The following MYO3B variants were observed in gnomAD, a reference collection of about 807,000 sequenced individuals.
MYO3B encodes myosin-IIIb.
Under a neutral mutation model 174.6 loss-of-function variants are expected in MYO3B, and 156 were observed. The ratio of observed to expected loss-of-function variants is 0.89; its 90% CI spans 0.78 to 1.02. The LOEUF is 1.02. MYO3B is among the 50% of genes least tolerant of loss of function. The probability of loss-of-function intolerance (pLI) is 0.00; values close to 1 mark genes in which losing one functional copy is unlikely to be tolerated. For missense variants in MYO3B, 1,632 were observed against 1,639.4 expected (o/e 1.00, Z 0.08); for synonymous variants, 563 against 569.1 (o/e 0.99, Z 0.15).
chr2:170,604,910 G>A (rs1055522015), intron 32 of MYO3B, among the ~76,000 whole-genome samples: 6 of 152,100 alleles, frequency 3.9e-5, no homozygotes, highest in African/African-American at 1.4e-4. Context: ...TCACTTCCAG[G>A]ATTTTTCACA....
chr2:170,506,372 A>C (rs1210876709), intron 28 of MYO3B, among the ~76,000 whole-genome samples: 1 of 152,210 alleles, frequency 6.6e-6, no homozygotes, highest in Non-Finnish European at 1.5e-5. Flanking sequence ...TTCCTTTAGC[A>C]TCATCAGTGG....
intron 7 of MYO3B, among the ~76,000 whole-genome samples, chr2:170,307,242 CAAAAAAAAAA>C (rs10718469): frequency 1.7e-5 from 1 of 57,682 alleles, no homozygotes; most frequent in East Asian, 8.2e-4. Flanking sequence ...GGCCTTATCT[CAAAAAAAAAA>C]AAAAAAAAAA....
intron 3 of MYO3B, among the ~76,000 whole-genome samples, chr2:170,211,885 C>T (rs1010909340): frequency 6.6e-6 from 1 of 151,178 alleles, no homozygotes; most frequent in African/African-American, 2.4e-5. Flanking sequence ...ATAATTAAAA[C>T]TTTACAGAAA....
At chr2:170,331,668 CT>C (rs1251988055) in intron 7 of MYO3B, among the ~76,000 whole-genome samples, 1 of 152,128 alleles carries the variant, frequency 6.6e-6, no homozygotes, top group Non-Finnish European at 1.5e-5. Flanking sequence ...GGCTGTACTC[CT>C]TTCTTAAGGC....
At chr2:170,474,691 C>T (rs1434198766) in intron 25 of MYO3B, among the ~76,000 whole-genome samples, 6 of 129,734 alleles carry the variant, frequency 4.6e-5, no homozygotes, top group Non-Finnish European at 7.7e-5. Context: ...TGCGGTGAGC[C>T]GAGATCACCC....
At chr2:170,181,692 G>A (rs903850203) in intron 1 of MYO3B, among the ~76,000 whole-genome samples, 1 of 152,028 alleles carries the variant, frequency 6.6e-6, no homozygotes, top group African/African-American at 2.4e-5. Context: ...TGCATCGATC[G>A]AGATGATGGT....
At chr2:170,639,041 C>T (rs1697753262) in intron 32 of MYO3B, among the ~76,000 whole-genome samples, 1 of 152,148 alleles carries the variant, frequency 6.6e-6, no homozygotes, top group Admixed American at 6.6e-5. Context: ...CCCAGGGTCC[C>T]CTGCTGCAGG....
At chr2:170,232,137 T>G (rs528773059) in intron 6 of MYO3B, among the ~76,000 whole-genome samples, 38 of 152,316 alleles carry the variant, frequency 2.5e-4, no homozygotes, top group African/African-American at 8.9e-4. Context: ...GAGAGTTCTT[T>G]TTGAGGTCAC....
At chr2:170,544,351 G>C (rs1222326502) in intron 32 of MYO3B, among the ~76,000 whole-genome samples, 1 of 152,240 alleles carries the variant, frequency 6.6e-6, no homozygotes, top group Admixed American at 6.5e-5. Flanking sequence ...GATTTAGAAA[G>C]TAGTTCTGCC....
At chr2:170,498,774 T>A in intron 26 of MYO3B, 71 bp downstream of exon 26, 32 of 944,476 alleles carry the variant, frequency 3.4e-5, no homozygotes, top group Non-Finnish European at 4.8e-5. Context: ...GTCACTGGCA[T>A]GAATGGCTCT....
At chr2:170,516,836 G>T (rs1688344329) in intron 29 of MYO3B, among the ~76,000 whole-genome samples, 1 of 152,014 alleles carries the variant, frequency 6.6e-6, no homozygotes, top group Admixed American at 6.5e-5. Flanking sequence ...CCCAAGTTCG[G>T]CATTTTATGA....
chr2:170,187,174 A>T (rs2092476309), intron 1 of MYO3B, among the ~76,000 whole-genome samples: 1 of 150,770 alleles, frequency 6.6e-6, no homozygotes, highest in Non-Finnish European at 1.5e-5. Flanking sequence ...TCTGATCTTT[A>T]TTATTTCTTT....
chr2:170,619,202 G>A (rs896657844), intron 32 of MYO3B, among the ~76,000 whole-genome samples: 26 of 152,132 alleles, frequency 1.7e-4, no homozygotes, highest in East Asian at 5.8e-4. Flanking sequence ...CACAAGGGTC[G>A]CATTCCATTC....
At chr2:170,230,997 A>C (rs1468147182) in intron 6 of MYO3B, among the ~76,000 whole-genome samples, 1 of 152,180 alleles carries the variant, frequency 6.6e-6, no homozygotes, top group Non-Finnish European at 1.5e-5. Context: ...TCTCTTCGTG[A>C]CCCAAGAGCT....
intron 22 of MYO3B, among the ~76,000 whole-genome samples, chr2:170,424,848 C>A (rs1441654223): frequency 6.6e-6 from 1 of 152,128 alleles, no homozygotes; most frequent in Non-Finnish European, 1.5e-5. Flanking sequence ...GAAAACATAG[C>A]AGCTTTGATT....
rs746831701 is a variant in MYO3B, at chr2:170,335,443, A to T, written c.808A>T (p.Ile270Phe). 1 of 1,611,430 alleles carries T rather than the reference A, an allele frequency of 6.2e-7. No homozygotes were observed. Among genetic ancestry groups the T allele is most frequent in the Non-Finnish European group, 8.5e-7 (1 of 1,178,518 alleles). Reference protein sequence around the residue: ...EKWCEEFNHFISQCLIKDFER... With the variant: ...EKWCEEFNHFFSQCLIKDFER... ...ATGGTGTGAAGAATTCAACCACTTT[A>T]TTTCACAGTGAGTATTTCTTCCACT... is the stretch of plus-strand genomic sequence containing the variant. The change falls in exon 8 of 35, where the codon ATT becomes TTT. Residue 270 changes from isoleucine (I) to phenylalanine (F), a missense_variant. By Grantham distance (21) the Ile-to-Phe change is conservative. Coordinates refer to ENST00000408978, the MANE Select transcript of MYO3B (RefSeq NM_138995.5).
At chr2:170,194,507 G>GA (rs769742217) in intron 1 of MYO3B, among the ~76,000 whole-genome samples, 6,062 of 136,004 alleles carry the variant, frequency 0.045, 147 homozygotes, top group Non-Finnish European at 0.059. Flanking sequence ...CCTGTCTCAA[G>GA]AAAAAAAAAA....
intron 32 of MYO3B, among the ~76,000 whole-genome samples, chr2:170,575,325 C>G (rs114462333): frequency 0.014 from 2,187 of 151,656 alleles, 49 homozygotes; most frequent in East Asian, 0.068. Context: ...TATTTTTTTC[C>G]TCTCTATCAG....
intron 1 of MYO3B, among the ~76,000 whole-genome samples, chr2:170,187,536 T>C (rs931065177): frequency 7.9e-5 from 12 of 152,310 alleles, no homozygotes; most frequent in African/African-American, 1.4e-4. Context: ...GCCACTTTTC[T>C]AGTTCTTTAA....
Sources: gnomAD v4.1 joint callset for allele counts (sites outside exome capture counted in the v4.1 genomes callset) on GRCh38, gnomAD v4.1.1 for gene constraint, MANE v1.5 for transcripts, NCBI Gene and HGNC (gene_info 2026-07-23, HGNC 2026-07-21) for gene names.